Variants in CHST3 observed in about 807,000 individuals in gnomAD.
CHST3 encodes C6ST-1.
A neutral mutation model predicts 35.4 loss-of-function variants in CHST3; 20 were observed. The observed-to-expected ratio is 0.57, with a 90% CI of 0.40 to 0.82. The LOEUF (loss-of-function observed/expected upper bound fraction) is 0.82, where lower values mean the gene tolerates loss of function less well. Ranked by LOEUF, CHST3 falls within the 40% of genes least tolerant of loss-of-function variation. The probability of loss-of-function intolerance (pLI) is 0.00; values close to 1 mark genes in which losing one functional copy is unlikely to be tolerated. For synonymous variants in CHST3, 334 were observed against 295.9 expected, an observed-to-expected ratio of 1.13 and a Z score of -1.32; for missense variants, 693 against 670.1, an observed-to-expected ratio of 1.03 and a Z score of -0.38.
In CHST3 at chr10:72,008,030, G is replaced by A; in HGVS notation, c.999G>A (p.Leu333=). Residue 333 remains leucine, a synonymous_variant, in exon 3 of 3, where the codon CTG becomes CTA. Coordinates refer to ENST00000373115, the MANE Select transcript of CHST3 (RefSeq NM_004273.5). ...KWLDDEGQDG[L]REEEVQRLRG... is the part of the protein sequence containing the mutation. ...TGGACGACGAGGGCCAGGACGGCCT[G>A]AGGGAAGAGGAGGTGCAGCGGCTGC... The A allele has an allele frequency of 6.5e-7, 1 of 1,549,506 alleles. No individual in the cohort carries two copies. The highest frequency in any genetic ancestry group is 8.7e-7 in the Non-Finnish European group (1 of 1,146,502).
chr10:71,973,255 G>T (rs1839713165), intron 1 of CHST3, among the ~76,000 whole-genome samples: 2 of 152,180 alleles, frequency 1.3e-5, no homozygotes, highest in South Asian at 4.1e-4. Flanking sequence ...ATTGGGCTGG[G>T]ATACTGAGGA....
chr10:71,979,393 C>T (rs1378515337), intron 1 of CHST3, among the ~76,000 whole-genome samples: 2 of 141,416 alleles, frequency 1.4e-5, no homozygotes, highest in Admixed American at 7.1e-5. Context: ...GGTTAGATGG[C>T]GGGAGAGGGG....
intron 1 of CHST3, among the ~76,000 whole-genome samples, chr10:71,968,126 T>G (rs1446936279): frequency 6.6e-6 from 1 of 152,118 alleles, no homozygotes; most frequent in African/African-American, 2.4e-5. Flanking sequence ...AGCACTCCCT[T>G]TTCTCCACAA....
intron 1 of CHST3, among the ~76,000 whole-genome samples, chr10:71,986,927 C>T (rs1412663070): frequency 6.6e-6 from 1 of 152,224 alleles, no homozygotes; most frequent in Non-Finnish European, 1.5e-5. Flanking sequence ...TTGATGCTCA[C>T]AACAACCCTG....
chr10:71,965,580 T>C lies in CHST3; in HGVS notation c.-108+886T>C, dbSNP rs76057014. The stretch of plus-strand genomic sequence containing the variant: ...AAGGCAGGCCTGACGCCTTCATTAT[T>C]TTCCTTGCACCTGAAGTTGTGTTTG... On this transcript the variant is annotated intron_variant, in intron 1 of 2. Coordinates refer to ENST00000373115, the MANE Select transcript of CHST3 (RefSeq NM_004273.5). 7.4e-3 allele frequency among the ~76,000 whole-genome samples: 1,131 copies of C among 152,242 alleles called. 18 individuals are homozygous for C. The highest frequency in any genetic ancestry group is 0.025 in the African/African-American group (1,058 of 41,534).
intron 1 of CHST3, among the ~76,000 whole-genome samples, chr10:72,003,623 C>T (rs1340300441): frequency 6.6e-6 from 1 of 151,328 alleles, no homozygotes; most frequent in Non-Finnish European, 1.5e-5. Flanking sequence ...ATTACTTGAA[C>T]CCAGGAGGCG....
intron 1 of CHST3, among the ~76,000 whole-genome samples, chr10:71,981,155 G>T (rs1839797572): frequency 6.6e-6 from 1 of 152,238 alleles, no homozygotes; most frequent in Non-Finnish European, 1.5e-5. Context: ...CGCTGGCTCT[G>T]GTAGGGGTCT....
rs977140771 is a variant in CHST3 at position 72,011,014 on chromosome 10, CTTAA to C, written c.*2546_*2549del. 1 of 152,200 alleles carries C rather than the reference CTTAA, an allele frequency of 6.6e-6. No individual in the cohort carries two copies. The highest frequency in any genetic ancestry group is 2.4e-5 in the African/African-American group (1 of 41,438). 9.4% of individuals were successfully genotyped at this position (152,200 alleles called of 1,614,324 possible). ...TGACAATGTGCACACTGCAGGTTGA[CTTAA>C]TTTATTTATTTTTTGAAAAGAAGAG... On this transcript the variant is annotated 3_prime_UTR_variant, in exon 3 of 3. Transcript: ENST00000373115.
intron 1 of CHST3, among the ~76,000 whole-genome samples, chr10:71,984,105 C>T (rs988017133): frequency 3.3e-5 from 5 of 152,380 alleles, no homozygotes; most frequent in African/African-American, 1.2e-4. Flanking sequence ...TCACTACAGC[C>T]TCCGCCTCCC....
Position 72,009,739 on chromosome 10 carries a change from T to A in CHST3, c.*1268T>A, listed in dbSNP as rs1840089192. On this transcript the variant is annotated 3_prime_UTR_variant, in exon 3 of 3. Coordinates refer to ENST00000373115, the MANE Select transcript of CHST3 (RefSeq NM_004273.5). The stretch of plus-strand genomic sequence containing the variant: ...GGTTACAGCCAGTGCCTGGAATTCC[T>A]CCTTAGGGCCCTGGGAAGAGTATTG... 6.6e-6 allele frequency: 1 copy of A among 152,460 alleles called. No individual in the cohort carries two copies. The highest frequency in any genetic ancestry group is 2.1e-4 in the South Asian group (1 of 4,836). 9.4% of individuals were successfully genotyped at this position (152,460 alleles called of 1,614,324 possible). A position where few individuals can be genotyped will look rare whatever the true frequency, so the allele number is the denominator to read the frequency against.
In CHST3 at chr10:72,009,933, G is replaced by A. The variant is rs534540774; in HGVS notation, c.*1462G>A. Reference sequence around the variant, plus strand: ...TGGGGAAAACCAGCAGGGAGCACTTGGCTCCTGGCAGAGGGAGAGGACAGG... The same window carrying A: ...TGGGGAAAACCAGCAGGGAGCACTTAGCTCCTGGCAGAGGGAGAGGACAGG... On this transcript the variant is annotated 3_prime_UTR_variant, in exon 3 of 3. Coordinates refer to ENST00000373115, the MANE Select transcript of CHST3 (RefSeq NM_004273.5). 3 of 153,136 alleles carry A rather than the reference G, an allele frequency of 2.0e-5. No homozygotes were observed. The highest frequency in any genetic ancestry group is 2.1e-4 in the South Asian group (1 of 4,838). The allele number at this position is 153,136 out of a possible 1,614,324, so 9.5% of individuals were successfully genotyped here. A position where few individuals can be genotyped will look rare whatever the true frequency, so the allele number is the denominator to read the frequency against.
At position 72,007,285 on chromosome 10, in the gene CHST3, C is replaced by T. The variant is rs1351030452; in HGVS notation, c.254C>T (p.Ser85Leu). The change falls in exon 3 of 3, where the codon TCA (serine) becomes TTA (leucine). Residue 85 changes from serine (S) to leucine (L), a missense_variant. Coordinates refer to ENST00000373115, the MANE Select transcript of CHST3 (RefSeq NM_004273.5). Reference protein sequence around the residue: ...ASLLSLSELDSAFSQLQSRLR... With the variant: ...ASLLSLSELDLAFSQLQSRLR... ...CTCTTGTCCCTGAGCGAGCTCGATT[C>T]AGCCTTCTCCCAGCTTCAGAGCCGT... is the stretch of plus-strand genomic sequence containing the variant. 6.2e-7 allele frequency: 1 copy of T among 1,614,048 alleles called. No individual in the cohort carries two copies. The highest frequency in any genetic ancestry group is 1.7e-5 in the Admixed American group (1 of 60,004).
At chr10:71,985,638 C>T (rs867345757) in intron 1 of CHST3, among the ~76,000 whole-genome samples, 1 of 152,186 alleles carries the variant, frequency 6.6e-6, no homozygotes, top group South Asian at 2.1e-4. Flanking sequence ...AACCCTGCCT[C>T]CTGTTGTGGG....
rs1405688267 is a variant in CHST3, at chr10:72,010,147, C to G, written c.*1676C>G. On this transcript the variant is annotated 3_prime_UTR_variant, in exon 3 of 3. Transcript: ENST00000373115. ...TGAGAAGAAGCTGGATTTGAAAATCCCTCACAGGCCCTAACATGTTTCCTG... is the reference window on the plus strand; with the variant it reads ...TGAGAAGAAGCTGGATTTGAAAATCGCTCACAGGCCCTAACATGTTTCCTG... The G allele has an allele frequency of 6.6e-6, 1 of 152,282 alleles. No individual in the cohort carries two copies. The highest frequency in any genetic ancestry group is 1.9e-4 in the East Asian group (1 of 5,196). 9.4% of individuals were successfully genotyped at this position (152,282 alleles called of 1,614,324 possible).
At chr10:71,987,860 A>G (rs1230457762) in intron 1 of CHST3, among the ~76,000 whole-genome samples, 1 of 152,204 alleles carries the variant, frequency 6.6e-6, no homozygotes, top group African/African-American at 2.4e-5. Flanking sequence ...GAAGGAGGAT[A>G]GAGCAAGAAT....
At chr10:71,968,074 G>A (rs1003857293) in intron 1 of CHST3, among the ~76,000 whole-genome samples, 4 of 150,178 alleles carry the variant, frequency 2.7e-5, no homozygotes, top group Non-Finnish European at 4.4e-5. Context: ...CCTCAGCCCC[G>A]CAAAATGCTG....
At position 72,008,454 on chromosome 10, in the gene CHST3, A is replaced by G. The variant is rs1840072592; in HGVS notation, c.1423A>G (p.Thr475Ala). The G allele has an allele frequency of 6.4e-7, 1 of 1,558,232 alleles. No individual in the cohort carries two copies. The highest frequency in any genetic ancestry group is 8.7e-7 in the Non-Finnish European group (1 of 1,151,140). Residue 475 changes from threonine (T) to alanine (A), a missense_variant, in exon 3 of 3, where the codon ACC becomes GCC. Thr to Ala is a moderately conservative substitution (Grantham distance 58, BLOSUM62 0). Transcript: ENST00000373115. The stretch of plus-strand genomic sequence containing the variant: ...AGTCAGCCTGCTGGAGGAGAGGGGC[A>G]CCTTCTGGGTCACGTAGGGGGGCCG... ...RSVSLLEERG[T>A]FWVT
chr10:72,007,101 G>T (rs1047318128), intron 2 of CHST3, 71 bp from the exon 3 acceptor site: 2 of 1,546,734 alleles, frequency 1.3e-6, no homozygotes, highest in Non-Finnish European at 1.8e-6. Flanking sequence ...CTGCTTGGAG[G>T]ACTGCTTAGG....
intron 1 of CHST3, among the ~76,000 whole-genome samples, chr10:71,997,573 A>C (rs891843883): frequency 6.6e-6 from 1 of 152,164 alleles, no homozygotes; most frequent in Non-Finnish European, 1.5e-5. Flanking sequence ...CCTCTTTTGA[A>C]ATTTTAGATT....
Sources: gnomAD v4.1 joint callset for allele counts (sites outside exome capture counted in the v4.1 genomes callset) on GRCh38, gnomAD v4.1.1 for gene constraint, MANE v1.5 for transcripts, NCBI Gene and HGNC (gene_info 2026-07-23, HGNC 2026-07-21) for gene names.